DLGAP3: variants seen among roughly 807,000 people sequenced by gnomAD.
The protein encoded by DLGAP3 is DLG associated protein 3.
In DLGAP3, 17 loss-of-function variants were observed where a neutral mutation model predicts 81.2. The observed-to-expected ratio is 0.21, with a 90% CI of 0.14 to 0.31. The LOEUF (loss-of-function observed/expected upper bound fraction) is 0.31. DLGAP3 is among the 10% of genes least tolerant of loss of function. DLGAP3 has a pLI of 1.00. For synonymous variants in DLGAP3, 577 were observed against 587.4 expected, an observed-to-expected ratio of 0.98 and a Z score of 0.26; for missense variants, 1,124 against 1,388.0, an observed-to-expected ratio of 0.81 and a Z score of 3.02.
At chr1:34,881,438 T>G (rs1037557726) in intron 8 of DLGAP3, among the ~76,000 whole-genome samples, 4 of 152,196 alleles carry the variant, frequency 2.6e-5, no homozygotes, top group African/African-American at 9.7e-5. Context: ...GAAGTCTTTT[T>G]AAAAAGGATG....
chr1:34,891,522 G>A (rs918850644), intron 5 of DLGAP3, among the ~76,000 whole-genome samples: 2 of 152,174 alleles, frequency 1.3e-5, no homozygotes, highest in Admixed American at 6.5e-5. Context: ...CTCGAAGCTG[G>A]GTGAATGCAC....
At chr1:34,877,064 T>C (rs1345227907) in intron 8 of DLGAP3, among the ~76,000 whole-genome samples, 4 of 152,116 alleles carry the variant, frequency 2.6e-5, no homozygotes, top group African/African-American at 9.7e-5. Flanking sequence ...AATGTCCAGG[T>C]ATCAGAAACA....
chr1:34,882,042 G>A (rs934031008), intron 8 of DLGAP3, among the ~76,000 whole-genome samples: 2 of 152,108 alleles, frequency 1.3e-5, no homozygotes, highest in Non-Finnish European at 2.9e-5. Context: ...AGATTTAAAA[G>A]AAATATCTTC....
intron 5 of DLGAP3, among the ~76,000 whole-genome samples, chr1:34,888,888 C>T (rs1267465715): frequency 2.6e-5 from 4 of 152,224 alleles, no homozygotes; most frequent in African/African-American, 9.6e-5. Flanking sequence ...TCAAGACACT[C>T]CCCAATTAGA....
intron 1 of DLGAP3, among the ~76,000 whole-genome samples, chr1:34,908,595 C>T (rs1165354807): frequency 1.3e-5 from 2 of 152,170 alleles, no homozygotes; most frequent in Admixed American, 1.3e-4. Flanking sequence ...CATTATTAGA[C>T]ACAGGGATGT....
chr1:34,866,495 T>A (rs150635183), intron 11 of DLGAP3, among the ~76,000 whole-genome samples, 194 bp from the exon 12 acceptor site: 109 of 152,250 alleles, frequency 7.2e-4, no homozygotes, highest in African/African-American at 2.2e-3. Flanking sequence ...CCCCACATTT[T>A]CCACCAAAGC....
At chr1:34,915,822 G>A (rs547808716) in intron 1 of DLGAP3, among the ~76,000 whole-genome samples, 1 of 151,786 alleles carries the variant, frequency 6.6e-6, no homozygotes, top group South Asian at 2.1e-4. Context: ...AGAGCACATA[G>A]AAAAGGCAGC....
chr1:34,878,029 G>C (rs528573530), intron 8 of DLGAP3, among the ~76,000 whole-genome samples: 35 of 152,218 alleles, frequency 2.3e-4, no homozygotes, highest in Non-Finnish European at 4.0e-4. Context: ...TATAGGCCAG[G>C]CACCGTGGCT....
intron 1 of DLGAP3, among the ~76,000 whole-genome samples, chr1:34,927,717 A>G (rs1330514330): frequency 1.7e-5 from 2 of 115,704 alleles, no homozygotes; most frequent in African/African-American, 6.8e-5. Flanking sequence ...CCACTCTTTT[A>G]GGCATTGGCA....
At chr1:34,877,291 C>T (rs1370628825) in intron 8 of DLGAP3, among the ~76,000 whole-genome samples, 3 of 152,166 alleles carry the variant, frequency 2.0e-5, no homozygotes, top group African/African-American at 4.8e-5. Context: ...GGACTCAAAA[C>T]GCTCATGCCA....
At chr1:34,883,390 T>A (rs765218104) in intron 8 of DLGAP3, among the ~76,000 whole-genome samples, 1 of 152,168 alleles carries the variant, frequency 6.6e-6, no homozygotes, top group Non-Finnish European at 1.5e-5. Context: ...CAAGGGTTAT[T>A]AGGAGGAATG....
chr1:34,904,443 G>C lies in DLGAP3; in HGVS notation c.941C>G (p.Ala314Gly). Residue 314 changes from alanine (A) to glycine (G), a missense_variant, in exon 3 of 12, where the codon GCC becomes GGC. Physicochemically the swap from Ala to Gly is moderately conservative, Grantham distance 60 (BLOSUM62 0). Coordinates refer to ENST00000373347, the MANE Select transcript of DLGAP3 (RefSeq NM_001080418.3). The surrounding 1 kb of genome is among the most constrained non-coding windows in gnomAD (Gnocchi z 8.1). ...CAGTGACATGGACATGCCAGTGCAG[G>C]CAAGGCAGCGGCCTTCCGACCCGCC... ...RSGGSEGRCL[A>G]CTGMSMSLDG... 6.2e-7 allele frequency: 1 copy of C among 1,614,110 alleles called. No individual in the cohort carries two copies. Among genetic ancestry groups the C allele is most frequent in the Non-Finnish European group, 8.5e-7 (1 of 1,180,024 alleles).
chr1:34,879,787 C>T (rs1050149782), intron 8 of DLGAP3, among the ~76,000 whole-genome samples: 5 of 151,826 alleles, frequency 3.3e-5, no homozygotes, highest in Admixed American at 1.3e-4. Flanking sequence ...ATAAAAATAC[C>T]GCTTCCCAAA....
chr1:34,890,256 C>T (rs986893107), intron 5 of DLGAP3, among the ~76,000 whole-genome samples: 1 of 152,204 alleles, frequency 6.6e-6, no homozygotes, highest in African/African-American at 2.4e-5. Flanking sequence ...AGGCATATTC[C>T]AACAGAAGCA....
chr1:34,909,466 T>A (rs1037283232), intron 1 of DLGAP3, among the ~76,000 whole-genome samples: 3 of 152,182 alleles, frequency 2.0e-5, no homozygotes, highest in Non-Finnish European at 4.4e-5. Context: ...CTCACCTATC[T>A]CCCAGGATTT....
chr1:34,876,692 C>T (rs771962592), intron 8 of DLGAP3, among the ~76,000 whole-genome samples: 1 of 152,234 alleles, frequency 6.6e-6, no homozygotes, highest in Non-Finnish European at 1.5e-5. Flanking sequence ...GTCACTCCCT[C>T]TGAATTCCCA....
At position 34,900,594 on chromosome 1, in the gene DLGAP3, C is replaced by T. The variant is rs1167374190; in HGVS notation, c.1108-321G>A. Among the ~76,000 whole-genome samples the T allele has an allele frequency of 6.6e-6, 1 of 152,252 alleles. No individual in the cohort carries two copies. The highest frequency in any genetic ancestry group is 1.5e-5 in the Non-Finnish European group (1 of 68,050). On this transcript the variant is annotated intron_variant, in intron 3 of 11. Transcript: ENST00000373347. The surrounding 1 kb of genome is among the most constrained non-coding windows in gnomAD (Gnocchi z 5.6). ...TCCCATGCCCAGCAGTCAGGCATCA[C>T]CTGACCTCAGTCAACCTTCTACCCC...
rs567109248 is a variant in DLGAP3 at position 34,905,251 on chromosome 1, G to T, written c.133C>A (p.Pro45Thr). The change falls in exon 3 of 12, where the codon CCC becomes ACC. Residue 45 changes from proline to threonine, a missense_variant. Transcript: ENST00000373347. ...LGSREAFSTE[P>T]RFCAPRAGLG... ...CCAGCTCTCGGGGCACAGAAGCGGG[G>T]CTCGGTGGAGAAGGCCTCCCTGGAG... 185 of 1,592,980 alleles carry T rather than the reference G, an allele frequency of 1.2e-4. 2 individuals are homozygous for T. In the East Asian group the frequency reaches 3.1e-3, roughly 27 times the overall value.
In DLGAP3 at chr1:34,873,049, A is replaced by C. The variant is rs1639003073; in HGVS notation, c.2001-3960T>G. On this transcript the variant is annotated intron_variant, in intron 8 of 11. Transcript: ENST00000373347. This position sits in a 1 kb window ranked among gnomAD's most constrained non-coding sequence, Gnocchi z 4.2. ...TAAAAAAGAATAACATCTTCTAAGC[A>C]CTTAGTATGTGCCAGGAGAAGCACT... Among the ~76,000 whole-genome samples, 2 of 152,262 alleles carry C rather than the reference A, an allele frequency of 1.3e-5. No individual in the cohort carries two copies. The highest frequency in any genetic ancestry group is 4.1e-4 in the South Asian group (2 of 4,836).
Sources: allele counts gnomAD v4.1 joint callset (sites outside exome capture counted in the v4.1 genomes callset), GRCh38; gene constraint gnomAD v4.1.1; non-coding constraint Gnocchi (gnomAD v3.1); transcripts MANE v1.5; gene names NCBI Gene and HGNC (gene_info 2026-07-23, HGNC 2026-07-21).